Variants in LMNB1 observed in about 807,000 individuals in gnomAD.
The protein encoded by LMNB1 is lamin B1, also known as lamin-B1.
LMNB1 carries 23 observed loss-of-function variants against 67.1 expected under a neutral mutation model. The ratio of observed to expected loss-of-function variants is 0.34; its 90% confidence interval spans 0.25 to 0.49. The LOEUF (loss-of-function observed/expected upper bound fraction) is 0.49. Ranked by LOEUF, LMNB1 falls within the 20% of genes least tolerant of loss-of-function variation. The pLI is 0.99. For missense variants in LMNB1, 634 were observed against 746.5 expected, an observed-to-expected ratio of 0.85 and a Z score of 1.76; for synonymous variants, 281 against 282.9, an observed-to-expected ratio of 0.99 and a Z score of 0.07.
Position 126,836,225 on chromosome 5 carries a change from A to C in LMNB1, c.1722A>C (p.Gly574=), listed in dbSNP as rs1299533981. Residue 574 remains glycine (G), a splice_region_variant and synonymous_variant, in exon 11 of 11, where the codon GGA becomes GGC. Coordinates refer to ENST00000261366, the MANE Select transcript of LMNB1 (RefSeq NM_005573.4). The stretch of plus-strand genomic sequence containing the variant: ...TTTCCTTCTGTTTTCCTCATCAGGG[A>C]ACCCCAAGAGCATCCAATAGAAGCT... ...VVEEELFHQQ[G]TPRASNRSCA... 1.2e-6 allele frequency: 2 copies of C among 1,608,208 alleles called. No individual in the cohort carries two copies. Among genetic ancestry groups the C allele is most frequent in the East Asian group, 4.5e-5 (2 of 44,816 alleles).
At chr5:126,826,217 C>A in intron 9 of LMNB1, 110 bp downstream of exon 9, 1 of 1,241,420 alleles carries the variant, frequency 8.1e-7, no homozygotes, top group Non-Finnish European at 1.1e-6. Flanking sequence ...CATAAACAGA[C>A]CAAAGCTGCT....
At position 126,821,706 on chromosome 5, in the gene LMNB1, G is replaced by A. The variant is rs550143197; in HGVS notation, c.1386+571G>A. 8.5e-5 allele frequency among the ~76,000 whole-genome samples: 13 copies of A among 152,230 alleles called. No homozygotes were observed. The South Asian group carries it at 1.0e-3, about 12-fold the overall frequency. On this transcript the variant is annotated intron_variant, in intron 7 of 10. Transcript: ENST00000261366. ...TCTGAAATTTAGGGCTGGGGCTTTCGGGAGCTCTGTAGTGTGGGCCTTCCC... is the reference window on the plus strand; with the variant it reads ...TCTGAAATTTAGGGCTGGGGCTTTCAGGAGCTCTGTAGTGTGGGCCTTCCC...
In LMNB1 at chr5:126,792,010, T is replaced by C. The variant is rs528109924; in HGVS notation, c.360-12766T>C. ...GTTGGTCAGGCTGGTCTCGAACTCC[T>C]GACCTCAAGTGATCCACCTATCGCT... On this transcript the variant is annotated intron_variant, in intron 1 of 10. Coordinates refer to ENST00000261366, the MANE Select transcript of LMNB1 (RefSeq NM_005573.4). Among the ~76,000 whole-genome samples the C allele has an allele frequency of 2.6e-5, 4 of 152,224 alleles. No homozygotes were observed. The South Asian group carries it at 8.3e-4, about 32-fold the overall frequency.
At chr5:126,786,473 G>T (rs747405633) in intron 1 of LMNB1, among the ~76,000 whole-genome samples, 1 of 152,096 alleles carries the variant, frequency 6.6e-6, no homozygotes, top group Admixed American at 6.5e-5. Flanking sequence ...GAAACTTCAG[G>T]CTCAGAGAGT....
chr5:126,796,786 C>CTTTTTTTTTTTTTTTTTTTTTTT (rs34534973), intron 1 of LMNB1, among the ~76,000 whole-genome samples: 9 of 118,750 alleles, frequency 7.6e-5, no homozygotes, highest in Non-Finnish European at 1.2e-4. Flanking sequence ...TTTTTTCTTT[C>CTTTTTTTTTTTTTTTTTTTTTTT]TTTTTTTTTT....
chr5:126,836,311 C>A lies in LMNB1; in HGVS notation c.*47C>A, dbSNP rs1172344637. 4.7e-6 allele frequency: 6 copies of A among 1,282,716 alleles called. No homozygotes were observed. The highest frequency in any genetic ancestry group is 6.8e-6 in the Non-Finnish European group (6 of 881,226). 79.5% of individuals were successfully genotyped at this position (1,282,716 alleles called of 1,614,324 possible). On this transcript the variant is annotated 3_prime_UTR_variant, in exon 11 of 11. Coordinates refer to ENST00000261366, the MANE Select transcript of LMNB1 (RefSeq NM_005573.4). ...AAATAAAGAAGTATGGTAATCTTTA[C>A]CTGTATACAGTGCAGAGCCTTCTCA... is the stretch of plus-strand genomic sequence containing the variant.
chr5:126,824,167 T>A (rs1246618108), intron 8 of LMNB1, among the ~76,000 whole-genome samples: 1 of 152,212 alleles, frequency 6.6e-6, no homozygotes, highest in Non-Finnish European at 1.5e-5. Context: ...ATGGTAGTAA[T>A]AAGTGATCTT....
chr5:126,824,568 T>A (rs1751945347), intron 8 of LMNB1, among the ~76,000 whole-genome samples: 1 of 152,204 alleles, frequency 6.6e-6, no homozygotes, highest in Non-Finnish European at 1.5e-5. Context: ...GATACTGACA[T>A]TTTATGATGA....
chr5:126,782,549 TTTTA>T (rs968991948), intron 1 of LMNB1, among the ~76,000 whole-genome samples: 1 of 152,096 alleles, frequency 6.6e-6, no homozygotes, highest in African/African-American at 2.4e-5. Context: ...GAATTTTTGT[TTTTA>T]TTTATTTATT....
At chr5:126,796,218 C>T (rs1580533189) in intron 1 of LMNB1, among the ~76,000 whole-genome samples, 1 of 151,962 alleles carries the variant, frequency 6.6e-6, no homozygotes, top group Non-Finnish European at 1.5e-5. Context: ...TGTGAGCTAC[C>T]GTGCCCGGCC....
chr5:126,821,787 A>G (rs1024795657), intron 7 of LMNB1, among the ~76,000 whole-genome samples: 1 of 152,126 alleles, frequency 6.6e-6, no homozygotes, highest in African/African-American at 2.4e-5. Flanking sequence ...ATACTAGAGG[A>G]AGGCATGGTC....
intron 5 of LMNB1, among the ~76,000 whole-genome samples, chr5:126,814,540 GTTT>G (rs202142686): frequency 7.3e-6 from 1 of 136,672 alleles, no homozygotes. Context: ...TTGCAAGTTG[GTTT>G]TTTTTTTTTT....
intron 8 of LMNB1, 120 bp from the exon 9 acceptor site, chr5:126,825,868 G>A: frequency 3.6e-6 from 5 of 1,380,864 alleles, no homozygotes; most frequent in Non-Finnish European, 5.0e-6. Flanking sequence ...ATAGCACTCT[G>A]TAGCTGGGGC....
In LMNB1 at chr5:126,836,277, T is replaced by C. The variant is rs1580563071; in HGVS notation, c.*13T>C. On this transcript the variant is annotated 3_prime_UTR_variant, in exon 11 of 11. Transcript: ENST00000261366. ...TGCAATTATGTAAAATTTTCAACTG[T>C]CTTCCTCAAAATAAAGAAGTATGGT... 2 of 1,590,018 alleles carry C rather than the reference T, an allele frequency of 1.3e-6. No homozygotes were observed. The highest frequency in any genetic ancestry group is 1.7e-6 in the Non-Finnish European group (2 of 1,158,158).
rs771023038 is a variant in LMNB1, at chr5:126,805,701, CTATA to C, written c.642+10_642+13del. Reference sequence around the variant, plus strand: ...CGCAAAAGCATGTATGAAGAGGTAACTATATATAATTTTGCTTTGTAAAGGAATG... The same window carrying C: ...CGCAAAAGCATGTATGAAGAGGTAACTATAATTTTGCTTTGTAAAGGAATG... On this transcript the variant is annotated splice_donor_region_variant and intron_variant, in intron 3 of 10. Transcript: ENST00000261366. 1 of 1,601,820 alleles carries C rather than the reference CTATA, an allele frequency of 6.2e-7. No individual in the cohort carries two copies. Among genetic ancestry groups the C allele is most frequent in the South Asian group, 1.1e-5 (1 of 88,844 alleles).
In LMNB1 at chr5:126,822,093, TCAAGAGATTC is replaced by T. The variant is rs963468941; in HGVS notation, c.1387-687_1387-678del. On this transcript the variant is annotated intron_variant, in intron 7 of 10. Transcript: ENST00000261366. The stretch of plus-strand genomic sequence containing the variant: ...ATCTTGGCTCCTCCACCTCTTGGGT[TCAAGAGATTC>T]TCCTGCCTCAGCCTCCTGAGTAGCT... Among the ~76,000 whole-genome samples, 191 of 151,508 alleles carry T rather than the reference TCAAGAGATTC, an allele frequency of 1.3e-3. 2 individuals carry two copies. The highest frequency in any genetic ancestry group is 4.6e-3 in the African/African-American group (189 of 41,298).
chr5:126,776,660 G>A (rs1750451640), upstream of LMNB1: 1 of 152,240 alleles, frequency 6.6e-6, no homozygotes, highest in Admixed American at 6.5e-5. Context: ...GCGGTGGCCG[G>A]GGACACTCTG....
intron 1 of LMNB1, among the ~76,000 whole-genome samples, chr5:126,798,292 A>G (rs1751162111): frequency 6.6e-6 from 1 of 152,094 alleles, no homozygotes; most frequent in Non-Finnish European, 1.5e-5. Context: ...TACTAAAAAT[A>G]CAAAAAAATT....
At position 126,818,974 on chromosome 5, in the gene LMNB1, A is replaced by T; in HGVS notation, c.992A>T (p.Glu331Val). ...IQELEDLLAK[E>V]KDNSRRMLTD... ...GAATTAGAGGACTTGCTTGCTAAAGAAAAAGACAACTCTCGTCGCATGCTG... is the reference window on the plus strand; with the variant it reads ...GAATTAGAGGACTTGCTTGCTAAAGTAAAAGACAACTCTCGTCGCATGCTG... The change falls in exon 6 of 11, where the codon GAA (glutamate) becomes GTA (valine). Residue 331 changes from glutamate (E) to valine (V), a missense_variant. Physicochemically the swap from Glu to Val is moderately radical, Grantham distance 121 (BLOSUM62 -2). Transcript: ENST00000261366. The T allele has an allele frequency of 1.2e-6, 2 of 1,614,186 alleles. No homozygotes were observed. Among genetic ancestry groups the T allele is most frequent in the Non-Finnish European group, 1.7e-6 (2 of 1,180,006 alleles).
Sources: gnomAD v4.1 joint callset for allele counts (sites outside exome capture counted in the v4.1 genomes callset) on GRCh38, gnomAD v4.1.1 for gene constraint, MANE v1.5 for transcripts, NCBI Gene and HGNC (gene_info 2026-07-23, HGNC 2026-07-21) for gene names.